The following RTN4IP1 variants were observed in gnomAD, a reference collection of about 807,000 sequenced individuals.
RTN4IP1 encodes reticulon 4 interacting protein 1.
RTN4IP1 carries 32 observed loss-of-function variants against 46.6 expected under a neutral mutation model. The ratio of observed to expected loss-of-function variants is 0.69; its 90% confidence interval spans 0.52 to 0.92. The LOEUF (loss-of-function observed/expected upper bound fraction) is 0.92, where lower values mean the gene tolerates loss of function less well. RTN4IP1 is among the 40% of genes least tolerant of loss of function. The pLI is 0.00. For synonymous variants in RTN4IP1, 167 were observed against 161.8 expected (o/e 1.03, Z -0.24); for missense variants, 424 against 485.8 (o/e 0.87, Z 1.20).
At chr6:106,616,059 CA>C (rs1369507343) in intron 4 of RTN4IP1, among the ~76,000 whole-genome samples, 4 of 152,120 alleles carry the variant, frequency 2.6e-5, no homozygotes, top group Non-Finnish European at 4.4e-5. Flanking sequence ...GCTTGAACTA[CA>C]TGTGTGTGCC....
At chr6:106,592,392 C>T in intron 5 of RTN4IP1, 92 bp from the exon 6 acceptor site, 1 of 1,298,726 alleles carries the variant, frequency 7.7e-7, no homozygotes, top group Non-Finnish European at 1.1e-6. Context: ...ACCATGTATA[C>T]ATATATCAGA....
At chr6:106,612,668 C>T (rs1264788854) in intron 4 of RTN4IP1, among the ~76,000 whole-genome samples, 1 of 152,230 alleles carries the variant, frequency 6.6e-6, no homozygotes, top group Non-Finnish European at 1.5e-5. Flanking sequence ...CTGCTCCACC[C>T]TGACTCATTC....
In RTN4IP1 at chr6:106,595,945, C is replaced by T. The variant is rs188537616; in HGVS notation, c.670-3645G>A. 2.4e-3 allele frequency among the ~76,000 whole-genome samples: 358 copies of T among 152,120 alleles called. 2 individuals carry two copies. The highest frequency in any genetic ancestry group is 3.2e-3 in the Non-Finnish European group (215 of 67,992). ...AGTTTATAAGATAATAAATTGGTTC[C>T]CTATCAAATTCCAAAAGTGACCTCT... On this transcript the variant is annotated intron_variant, in intron 5 of 8. Transcript: ENST00000369063.
Position 106,628,915 on chromosome 6 carries a change from G to A in RTN4IP1, c.107C>T (p.Thr36Ile), listed in dbSNP as rs770620459. Residue 36 changes from threonine (T) to isoleucine (I), a missense_variant, in exon 1 of 9, where the codon ACC becomes ATC. Coordinates refer to ENST00000369063, the MANE Select transcript of RTN4IP1 (RefSeq NM_032730.5). ...AGGCATGACAGTGCTCCTAGGAGAG[G>A]TAGTACTAATCCTTCTAACTGAAGG... ...QKPSVRRIST[T>I]SPRSTVMPAW... 3 of 1,613,754 alleles carry A rather than the reference G, an allele frequency of 1.9e-6. No homozygotes were observed. Among genetic ancestry groups the A allele is most frequent in the East Asian group, 2.2e-5 (1 of 44,866 alleles).
At chr6:106,577,764 G>A (rs1775265509) in intron 8 of RTN4IP1, among the ~76,000 whole-genome samples, 1 of 152,108 alleles carries the variant, frequency 6.6e-6, no homozygotes, top group Non-Finnish European at 1.5e-5. Context: ...GGGAAGGCAG[G>A]AGGGTTAGAG....
chr6:106,576,382 T>G (rs1225415078), intron 8 of RTN4IP1, among the ~76,000 whole-genome samples: 1 of 152,164 alleles, frequency 6.6e-6, no homozygotes, highest in Non-Finnish European at 1.5e-5. Flanking sequence ...AAACCCCATA[T>G]AAATTTCCTC....
chr6:106,587,039 C>T (rs373219008), intron 7 of RTN4IP1, among the ~76,000 whole-genome samples: 3 of 152,114 alleles, frequency 2.0e-5, no homozygotes, highest in Non-Finnish European at 1.5e-5. Flanking sequence ...CAAATTTACA[C>T]GGAATACACA....
Position 106,605,496 on chromosome 6 carries a change from T to C in RTN4IP1, c.621-2574A>G, listed in dbSNP as rs188968730. Among the ~76,000 whole-genome samples, 1,166 of 149,054 alleles carry C rather than the reference T, an allele frequency of 7.8e-3. 6 individuals carry two copies. Among genetic ancestry groups the C allele is most frequent in the Non-Finnish European group, 0.013 (844 of 67,414 alleles). ...AGCCACTGAGGAATTACTGACACGA[T>C]TGATAGTGATTACAGCCAAAGAAAT... On this transcript the variant is annotated intron_variant, in intron 4 of 8. Transcript: ENST00000369063.
chr6:106,629,372 C>A lies in RTN4IP1; in HGVS notation c.-351G>T. On this transcript the variant is annotated 5_prime_UTR_variant, in exon 1 of 9. Coordinates refer to ENST00000369063, the MANE Select transcript of RTN4IP1 (RefSeq NM_032730.5). ...ATCCCTGCCCTGTCCTGGGAGCCCT[C>A]GGCGGGACAAGCAGACACCGCTCGC... is the stretch of plus-strand genomic sequence containing the variant. 1 of 557,832 alleles carries A rather than the reference C, an allele frequency of 1.8e-6. No individual in the cohort carries two copies. Among genetic ancestry groups the A allele is most frequent in the Non-Finnish European group, 3.2e-6 (1 of 314,562 alleles). 34.6% of individuals were successfully genotyped at this position (557,832 alleles called of 1,614,324 possible). A position where few individuals can be genotyped will look rare whatever the true frequency, so the allele number is the denominator to read the frequency against.
At chr6:106,572,233 C>T in intron 8 of RTN4IP1, 130 bp from the exon 9 acceptor site, 1 of 721,302 alleles carries the variant, frequency 1.4e-6, no homozygotes, top group Admixed American at 2.4e-5. Context: ...CCAGTGGACC[C>T]AGGTCAGGCT....
chr6:106,626,455 T>C (rs1281539689), intron 1 of RTN4IP1, among the ~76,000 whole-genome samples: 1 of 152,248 alleles, frequency 6.6e-6, no homozygotes, highest in East Asian at 1.9e-4. Flanking sequence ...AATTATTCAC[T>C]GAAACTTCTA....
chr6:106,578,901 T>A (rs956890111), intron 8 of RTN4IP1, among the ~76,000 whole-genome samples: 1 of 149,628 alleles, frequency 6.7e-6, no homozygotes, highest in African/African-American at 2.5e-5. Context: ...TGGTCTAAGT[T>A]CTTCTTCTTC....
intron 6 of RTN4IP1, 27 bp from the exon 7 acceptor site, chr6:106,587,889 A>C: frequency 6.3e-7 from 1 of 1,588,140 alleles, no homozygotes; most frequent in Non-Finnish European, 8.6e-7. Context: ...AAATCAAAAC[A>C]TGGTTGTCAG....
At chr6:106,622,618 G>A (rs994726847) in intron 2 of RTN4IP1, among the ~76,000 whole-genome samples, 200 bp downstream of exon 2, 2 of 152,162 alleles carry the variant, frequency 1.3e-5, no homozygotes, top group African/African-American at 2.4e-5. Flanking sequence ...GTGTTTACTC[G>A]AGACCTACGT....
intron 4 of RTN4IP1, among the ~76,000 whole-genome samples, chr6:106,610,609 T>C (rs1026406976): frequency 6.6e-6 from 1 of 152,198 alleles, no homozygotes; most frequent in Non-Finnish European, 1.5e-5. Flanking sequence ...CTATTTGTGA[T>C]AGTGAAGAAA....
intron 5 of RTN4IP1, among the ~76,000 whole-genome samples, chr6:106,592,661 C>A (rs113558657): frequency 6.6e-6 from 1 of 152,282 alleles, no homozygotes; most frequent in African/African-American, 2.4e-5. Flanking sequence ...CGGTGGCTCA[C>A]GCCTGTAATC....
chr6:106,592,024 T>C, intron 6 of RTN4IP1, 140 bp downstream of exon 6: 1 of 844,592 alleles, frequency 1.2e-6, no homozygotes, highest in Non-Finnish European at 1.8e-6. Context: ...CCAACCTAAG[T>C]AACTTCTAGT....
intron 5 of RTN4IP1, among the ~76,000 whole-genome samples, chr6:106,597,965 G>A (rs989673955): frequency 4.6e-5 from 7 of 151,992 alleles, no homozygotes; most frequent in African/African-American, 1.5e-4. Flanking sequence ...CTGTTCTTGC[G>A]ATAGTTTACT....
intron 4 of RTN4IP1, among the ~76,000 whole-genome samples, chr6:106,618,667 C>T (rs915135458): frequency 6.6e-6 from 1 of 152,166 alleles, no homozygotes; most frequent in African/African-American, 2.4e-5. Context: ...AATGAGTACA[C>T]GCTCAAGGCA....
Sources: allele counts gnomAD v4.1 joint callset (sites outside exome capture counted in the v4.1 genomes callset), GRCh38; gene constraint gnomAD v4.1.1; transcripts MANE v1.5; gene names NCBI Gene and HGNC (gene_info 2026-07-23, HGNC 2026-07-21).